KSR2: variants seen among roughly 807,000 people sequenced by gnomAD.
The protein encoded by KSR2 is kinase suppressor of ras 2.
Under a neutral mutation model 107.8 loss-of-function variants are expected in KSR2, and 25 were observed. The observed-to-expected ratio is 0.23, with a 90% CI of 0.17 to 0.32. KSR2 has a LOEUF of 0.32. KSR2 is among the 10% of genes least tolerant of loss of function. The pLI is 1.00. For synonymous variants in KSR2, 480 were observed against 507.0 expected (o/e 0.95, Z 0.71); for missense variants, 887 against 1,268.9 (o/e 0.70, Z 4.57).
chr12:117,712,168 G>A (rs1468377182), intron 4 of KSR2, among the ~76,000 whole-genome samples: 1 of 152,214 alleles, frequency 6.6e-6, no homozygotes, highest in Non-Finnish European at 1.5e-5. Context: ...AGGTGAGGTA[G>A]AAACCCAAGG....
At chr12:117,916,132 C>CTTTTTT (rs199898514) in intron 1 of KSR2, among the ~76,000 whole-genome samples, 4 of 125,696 alleles carry the variant, frequency 3.2e-5, no homozygotes, top group East Asian at 2.4e-4. Context: ...TTTATTTCTT[C>CTTTTTT]TTCTTTTTTT....
At chr12:117,721,184 T>C (rs1290483312) in intron 4 of KSR2, among the ~76,000 whole-genome samples, 1 of 152,132 alleles carries the variant, frequency 6.6e-6, no homozygotes, top group African/African-American at 2.4e-5. Flanking sequence ...ACCAAACCTC[T>C]GGAAATAACG....
In KSR2 at chr12:117,659,646, C is replaced by A. The variant is rs149914343; in HGVS notation, c.1171+7828G>T. On this transcript the variant is annotated intron_variant, in intron 5 of 19. Coordinates refer to ENST00000339824, the MANE Select transcript of KSR2 (RefSeq NM_173598.6). The stretch of plus-strand genomic sequence containing the variant: ...TCAGGTTCAAGCCCCAGCTCTATAG[C>A]CCTGGGCAAGTCCTTCCTACTCTCT... Among the ~76,000 whole-genome samples the A allele has an allele frequency of 4.1e-3, 628 of 152,248 alleles. 3 individuals carry two copies. Among genetic ancestry groups the A allele is most frequent in the African/African-American group, 0.014 (597 of 41,540 alleles).
chr12:117,872,079 T>A (rs2137287888), intron 1 of KSR2, among the ~76,000 whole-genome samples: 1 of 152,348 alleles, frequency 6.6e-6, no homozygotes, highest in South Asian at 2.1e-4. Context: ...ATTAAATAAG[T>A]ATGACAGGCA....
intron 1 of KSR2, among the ~76,000 whole-genome samples, chr12:117,879,759 G>A (rs971501383): frequency 2.6e-5 from 4 of 152,122 alleles, no homozygotes; most frequent in African/African-American, 4.8e-5. Flanking sequence ...ATTTATAAAT[G>A]CAGTTTAAAT....
intron 1 of KSR2, among the ~76,000 whole-genome samples, chr12:117,877,351 C>T (rs1022085214): frequency 6.6e-6 from 1 of 151,936 alleles, no homozygotes; most frequent in Non-Finnish European, 1.5e-5. Flanking sequence ...AAAAACTTTC[C>T]GATTATGGGA....
chr12:117,779,883 C>G (rs1332533827), intron 3 of KSR2, among the ~76,000 whole-genome samples: 2 of 152,116 alleles, frequency 1.3e-5, no homozygotes, highest in African/African-American at 4.8e-5. Flanking sequence ...AACACACTAT[C>G]GTTGCTATCA....
intron 7 of KSR2, among the ~76,000 whole-genome samples, chr12:117,562,148 G>A (rs1306764348): frequency 3.3e-5 from 5 of 152,096 alleles, no homozygotes; most frequent in Non-Finnish European, 7.3e-5. Flanking sequence ...CAAAGGTTTG[G>A]AGGGCAGAAC....
At chr12:117,513,766 A>G (rs1478664888) in intron 14 of KSR2, among the ~76,000 whole-genome samples, 1 of 152,230 alleles carries the variant, frequency 6.6e-6, no homozygotes, top group Non-Finnish European at 1.5e-5. Context: ...TACAAGCTTC[A>G]GTATGAATCA....
At chr12:117,799,288 G>C (rs1890745397) in intron 3 of KSR2, among the ~76,000 whole-genome samples, 1 of 152,122 alleles carries the variant, frequency 6.6e-6, no homozygotes, top group Non-Finnish European at 1.5e-5. Context: ...GATCAACTGA[G>C]GTCAGGAGTT....
intron 4 of KSR2, among the ~76,000 whole-genome samples, chr12:117,678,710 A>C (rs774918362): frequency 2.0e-5 from 3 of 152,180 alleles, no homozygotes; most frequent in African/African-American, 4.8e-5. Context: ...GTAACCCCCA[A>C]GGGACCTCTG....
At chr12:117,469,355 G>T (rs1181165065) in intron 19 of KSR2, among the ~76,000 whole-genome samples, 1 of 152,130 alleles carries the variant, frequency 6.6e-6, no homozygotes, top group Non-Finnish European at 1.5e-5. Context: ...GGCTTGGCAG[G>T]TTCAGACATC....
At chr12:117,697,416 A>G (rs618319) in intron 4 of KSR2, among the ~76,000 whole-genome samples, 76,186 of 152,118 alleles carry the variant, frequency 0.5, 20,137 homozygotes, top group Middle Eastern at 0.63. Context: ...CTGCTTAGAA[A>G]TATGCATTTT....
chr12:117,700,621 A>G (rs1886262501), intron 4 of KSR2, among the ~76,000 whole-genome samples: 1 of 152,224 alleles, frequency 6.6e-6, no homozygotes, highest in Non-Finnish European at 1.5e-5. Context: ...GGAGATATAT[A>G]AAGTCTGCCT....
chr12:117,933,729 C>T lies in KSR2; in HGVS notation c.180+34347G>A, dbSNP rs74996845. 4.8e-3 allele frequency among the ~76,000 whole-genome samples: 735 copies of T among 152,308 alleles called. 3 individuals are homozygous for T. Among genetic ancestry groups the T allele is most frequent in the African/African-American group, 0.017 (692 of 41,560 alleles). On this transcript the variant is annotated intron_variant, in intron 1 of 19. Coordinates refer to ENST00000339824, the MANE Select transcript of KSR2 (RefSeq NM_173598.6). The stretch of plus-strand genomic sequence containing the variant: ...GGTTATGGCACACTACAACCAAGCC[C>T]TAAATTGCGGGGCCACAGTTTCCCA...
At chr12:117,584,380 C>T (rs545404371) in intron 5 of KSR2, among the ~76,000 whole-genome samples, 2 of 152,020 alleles carry the variant, frequency 1.3e-5, no homozygotes, top group African/African-American at 4.8e-5. Flanking sequence ...GGTGCTTTCT[C>T]CAGTGCGAGG....
At chr12:117,923,528 G>A (rs577573980) in intron 1 of KSR2, among the ~76,000 whole-genome samples, 228 of 152,196 alleles carry the variant, frequency 1.5e-3, no homozygotes, top group South Asian at 3.9e-3. Flanking sequence ...AGCCAGACAT[G>A]GTGGCACATG....
chr12:117,657,669 C>G (rs1884243154), intron 5 of KSR2, among the ~76,000 whole-genome samples: 1 of 152,226 alleles, frequency 6.6e-6, no homozygotes, highest in African/African-American at 2.4e-5. Context: ...CAAGCCCAGC[C>G]AGCCCTGCAG....
rs1399812171 is a variant in KSR2 at position 117,465,339 on chromosome 12, T to A, written c.*1860A>T. The A allele has an allele frequency of 6.6e-6, 1 of 152,146 alleles. No homozygotes were observed. Among genetic ancestry groups the A allele is most frequent in the Non-Finnish European group, 1.5e-5 (1 of 68,068 alleles). The allele number at this position is 152,146 out of a possible 1,614,324, so 9.4% of individuals were successfully genotyped here. A position where few individuals can be genotyped will look rare whatever the true frequency, so the allele number is the denominator to read the frequency against. ...GTCGTCAAGCCAAGAGCCATAGATG[T>A]CCCCAGAAGAGCAGTGTCTGCTTAG... On this transcript the variant is annotated 3_prime_UTR_variant, in exon 20 of 20. Transcript: ENST00000339824.
Sources: gnomAD v4.1 joint callset for allele counts (sites outside exome capture counted in the v4.1 genomes callset) on GRCh38, gnomAD v4.1.1 for gene constraint, MANE v1.5 for transcripts, NCBI Gene and HGNC (gene_info 2026-07-23, HGNC 2026-07-21) for gene names.